ZNF518A: variants seen among roughly 807,000 people sequenced by gnomAD.
ZNF518A encodes the protein zinc finger protein 518A.
A neutral mutation model predicts 102.7 loss-of-function variants in ZNF518A; 47 were observed. The ratio of observed to expected loss-of-function variants is 0.46; its 90% CI spans 0.36 to 0.58. ZNF518A has a LOEUF of 0.58. Ranked by LOEUF, ZNF518A falls within the 20% of genes least tolerant of loss-of-function variation. The probability of loss-of-function intolerance (pLI) is 0.00; values close to 1 mark genes in which losing one functional copy is unlikely to be tolerated. For missense variants in ZNF518A, 1,793 were observed against 1,699.8 expected (o/e 1.05, Z -0.96); for synonymous variants, 652 against 594.6 (o/e 1.10, Z -1.40).
chr10:96,146,261 G>A (rs1554878470), intron 3 of ZNF518A, among the ~76,000 whole-genome samples: 2 of 151,978 alleles, frequency 1.3e-5, no homozygotes, highest in African/African-American at 2.4e-5. Context: ...TTTTATAAAC[G>A]ATGGCACAAA....
intron 3 of ZNF518A, among the ~76,000 whole-genome samples, chr10:96,139,271 C>T (rs1183326691): frequency 6.6e-6 from 1 of 151,984 alleles, no homozygotes; most frequent in Non-Finnish European, 1.5e-5. Flanking sequence ...ATTTTAAGTG[C>T]CTTGTTGCTA....
chr10:96,180,802 C>T (rs1161594550), intron 1 of ZNF518A, among the ~76,000 whole-genome samples: 1 of 152,160 alleles, frequency 6.6e-6, no homozygotes, highest in Non-Finnish European at 1.5e-5. Flanking sequence ...CCGCAATAAA[C>T]GTACATGTGC....
chr10:96,146,054 C>G (rs1205452400), intron 3 of ZNF518A, among the ~76,000 whole-genome samples: 4 of 152,076 alleles, frequency 2.6e-5, no homozygotes, highest in Admixed American at 1.3e-4. Context: ...CATTTTCTAT[C>G]CATCTATCAG....
At chr10:96,148,481 C>G (rs1212008678) in intron 3 of ZNF518A, among the ~76,000 whole-genome samples, 2 of 152,150 alleles carry the variant, frequency 1.3e-5, no homozygotes, top group Non-Finnish European at 2.9e-5. Context: ...GTCTCAGTTT[C>G]TAACAAATTA....
rs1554887986 is a variant in ZNF518A at position 96,161,438 on chromosome 10, C to G, written c.*664C>G. ...ACTCTCCCAAGGTGATTTTCTTTTT[C>G]TAAGTGACTGTGTCAAATGTTGCAG... On this transcript the variant is annotated 3_prime_UTR_variant, in exon 6 of 6. Transcript: ENST00000316045. 1.8e-5 allele frequency: 3 copies of G among 166,730 alleles called. No individual in the cohort carries two copies. Among genetic ancestry groups the G allele is most frequent in the African/African-American group, 7.2e-5 (3 of 41,422 alleles). The allele number at this position is 166,730 out of a possible 1,614,324, so 10.3% of individuals were successfully genotyped here.
At chr10:96,136,491 G>A (rs1222751484) in intron 3 of ZNF518A, among the ~76,000 whole-genome samples, 7 of 151,062 alleles carry the variant, frequency 4.6e-5, no homozygotes, top group African/African-American at 9.7e-5. Context: ...AGTTTGAAAC[G>A]AATGTAGCAA....
At position 96,159,851 on chromosome 10, in the gene ZNF518A, A is replaced by C; in HGVS notation, c.3529A>C (p.Asn1177His). 6.2e-7 allele frequency: 1 copy of C among 1,613,598 alleles called. No homozygotes were observed. The change falls in exon 6 of 6, where the codon AAT becomes CAT. Residue 1177 changes from asparagine to histidine, a missense_variant. Asn to His is a moderately conservative substitution (Grantham distance 68). This residue lies in a region of ZNF518A where 1,741 missense variants were observed against 1,622.6 expected (regional missense o/e 1.07). Transcript: ENST00000316045. ...SSLQKDNVPSNQIIGGEQKEP... is the reference protein window; with the variant it reads ...SSLQKDNVPSHQIIGGEQKEP... ...ATTGCAAAAAGACAACGTACCATCT[A>C]ATCAGATTATAGGAGGAGAGCAGAA...
rs2082814564 is a variant in ZNF518A, at chr10:96,158,425, C to T, written c.2103C>T (p.Ser701=). 2 of 1,612,952 alleles carry T rather than the reference C, an allele frequency of 1.2e-6. No individual in the cohort carries two copies. The highest frequency in any genetic ancestry group is 1.1e-5 in the South Asian group (1 of 91,008). The change falls in exon 6 of 6, where the codon AGC becomes AGT. Residue 701 remains serine (S), a synonymous_variant. Transcript: ENST00000316045. ...CAGATAGCCTATTAGCATCTATTAG[C>T]CTTTTAAATGATAAAGATGGAACTT... ...SKPDSLLASI[S]LLNDKDGTLK... is the part of the protein sequence containing the mutation.
intron 1 of ZNF518A, among the ~76,000 whole-genome samples, chr10:96,189,064 T>G (rs1383421555): frequency 1.4e-4 from 21 of 152,208 alleles, no homozygotes; most frequent in African/African-American, 4.8e-4. Flanking sequence ...ATGCCAAGTT[T>G]TAGTTCACAT....
At chr10:96,152,683 G>C (rs1449083082) in intron 3 of ZNF518A, among the ~76,000 whole-genome samples, 1 of 152,200 alleles carries the variant, frequency 6.6e-6, no homozygotes, top group Non-Finnish European at 1.5e-5. Flanking sequence ...TACACACTTT[G>C]ACTATATGGT....
At chr10:96,138,191 T>C (rs2081714843) in intron 3 of ZNF518A, among the ~76,000 whole-genome samples, 1 of 152,224 alleles carries the variant, frequency 6.6e-6, no homozygotes, top group South Asian at 2.1e-4. Flanking sequence ...AATACTCTGT[T>C]CTTAGCATAG....
intron 3 of ZNF518A, among the ~76,000 whole-genome samples, chr10:96,136,037 A>T (rs1282671510): frequency 1.3e-5 from 2 of 152,144 alleles, no homozygotes; most frequent in African/African-American, 4.8e-5. Flanking sequence ...GATTGGTTTC[A>T]CTGTAACAGT....
intron 3 of ZNF518A, among the ~76,000 whole-genome samples, chr10:96,145,706 C>G (rs1414311585): frequency 2.0e-5 from 3 of 152,168 alleles, no homozygotes; most frequent in African/African-American, 7.2e-5. Flanking sequence ...CAACATTGAT[C>G]TGTTTTATAC....
rs1554885429 is a variant in ZNF518A, at chr10:96,159,075, A to G, written c.2753A>G (p.Gln918Arg). 2 of 1,613,232 alleles carry G rather than the reference A, an allele frequency of 1.2e-6. 1 individual carries two copies. Among genetic ancestry groups the G allele is most frequent in the South Asian group, 2.2e-5 (2 of 90,892 alleles). ...CAAAATTTAGGTTCTTTTTATATGC[A>G]GAGTCCACTTTTAAATTCAGAACAA... ...TTQNLGSFYM[Q>R]SPLLNSEQKK... The change falls in exon 6 of 6, where the codon CAG (glutamine) becomes CGG (arginine). Residue 918 changes from glutamine (Q) to arginine (R), a missense_variant. Transcript: ENST00000316045.
At chr10:96,132,997 T>C (rs2081415448) in intron 2 of ZNF518A, 1 of 152,176 alleles carries the variant, frequency 6.6e-6, no homozygotes, top group African/African-American at 2.4e-5. Context: ...TACATATACA[T>C]GAGTTTTCAT....
chr10:96,190,013 T>A (rs1249844745), intron 1 of ZNF518A: 2 of 808,244 alleles, frequency 2.5e-6, no homozygotes, highest in African/African-American at 3.3e-5. Context: ...TTAATTGGAC[T>A]GCCTTCATAA....
At position 96,158,086 on chromosome 10, in the gene ZNF518A, C is replaced by T. The variant is rs61731060; in HGVS notation, c.1764C>T (p.Pro588=). The T allele has an allele frequency of 0.067, 107,901 of 1,613,330 alleles. 4,164 individuals carry two copies. Among genetic ancestry groups the T allele is most frequent in the Middle Eastern group, 0.079 (476 of 6,062 alleles). The change falls in exon 6 of 6, where the codon CCC becomes CCT. Residue 588 remains proline (P), a synonymous_variant. Coordinates refer to ENST00000316045, the MANE Select transcript of ZNF518A (RefSeq NM_001330736.2). ...GAAATCATCTCACTCAGAGTCACCC[C>T]GAGGTATTAGGTACCACCATTAAAA... is the stretch of plus-strand genomic sequence containing the variant. The part of the protein sequence containing the change: ...FWGNHLTQSH[P]EVLGTTIKSP...
chr10:96,130,156 A>T (rs2081247430), upstream of ZNF518A: 1 of 152,750 alleles, frequency 6.5e-6, no homozygotes, highest in Admixed American at 6.5e-5. Context: ...ACCTTTTAGG[A>T]TGTCAGAACT....
At chr10:96,178,345 A>G (rs1346294152) in intron 1 of ZNF518A, among the ~76,000 whole-genome samples, 1 of 152,138 alleles carries the variant, frequency 6.6e-6, no homozygotes, top group Non-Finnish European at 1.5e-5. Flanking sequence ...CAGCCCTTTT[A>G]TGATTAACCC....
Sources: gnomAD v4.1 joint callset for allele counts (sites outside exome capture counted in the v4.1 genomes callset) on GRCh38, gnomAD v4.1.1 for gene constraint, gnomAD v4.1.1 regional missense constraint, MANE v1.5 for transcripts, NCBI Gene and HGNC (gene_info 2026-07-23, HGNC 2026-07-21) for gene names.